The following SERGEF variants were observed in gnomAD, a reference collection of about 807,000 sequenced individuals.
SERGEF encodes secretion regulating guanine nucleotide exchange factor.
Under a neutral mutation model 50.0 loss-of-function variants are expected in SERGEF, and 51 were observed. That is an observed-to-expected ratio of 1.02 (90% confidence interval 0.81 to 1.29). The LOEUF (loss-of-function observed/expected upper bound fraction) is 1.29, where lower values mean the gene tolerates loss of function less well. SERGEF is among the 50% of genes most tolerant of loss of function. The pLI is 0.00. For synonymous variants in SERGEF, 205 were observed against 212.4 expected (o/e 0.97, Z 0.30); for missense variants, 521 against 557.0 (o/e 0.94, Z 0.65).
At chr11:17,959,075 G>C (rs967651266) in intron 9 of SERGEF, among the ~76,000 whole-genome samples, 7 of 152,086 alleles carry the variant, frequency 4.6e-5, no homozygotes, top group Non-Finnish European at 8.8e-5. Context: ...CACCATGTTA[G>C]CCAGGCTGGT....
At chr11:17,853,206 A>T (rs189606253) in intron 10 of SERGEF, among the ~76,000 whole-genome samples, 113 of 152,318 alleles carry the variant, frequency 7.4e-4, no homozygotes, top group Non-Finnish European at 1.3e-3. Flanking sequence ...AGAAAAAAAA[A>T]TACCATACAT....
chr11:17,819,348 C>T (rs2133842709), intron 10 of SERGEF, among the ~76,000 whole-genome samples: 1 of 152,338 alleles, frequency 6.6e-6, no homozygotes, highest in Non-Finnish European at 1.5e-5. Flanking sequence ...AGTTTGGAAA[C>T]AATTGCTCTG....
intron 2 of SERGEF, among the ~76,000 whole-genome samples, chr11:18,007,723 G>T (rs1854108146): frequency 1.4e-5 from 1 of 71,806 alleles, no homozygotes; most frequent in South Asian, 4.5e-4. Flanking sequence ...TAATGGAGGG[G>T]GTGGGGGAAA....
intron 8 of SERGEF, among the ~76,000 whole-genome samples, chr11:17,973,129 G>C (rs1157513219): frequency 6.6e-6 from 1 of 152,202 alleles, no homozygotes; most frequent in Non-Finnish European, 1.5e-5. Context: ...ACTTGGGAGT[G>C]TCAGCACAGC....
At chr11:17,900,712 A>G (rs1474873270) in intron 9 of SERGEF, among the ~76,000 whole-genome samples, 1 of 152,230 alleles carries the variant, frequency 6.6e-6, no homozygotes, top group Non-Finnish European at 1.5e-5. Flanking sequence ...TATGCCAGTT[A>G]TAACCACCAG....
intron 6 of SERGEF, among the ~76,000 whole-genome samples, chr11:17,993,383 A>C (rs1565225399): frequency 6.6e-6 from 1 of 152,172 alleles, no homozygotes; most frequent in Admixed American, 6.5e-5. Flanking sequence ...ATGTGTGTGC[A>C]TGTGTGTGTG....
intron 10 of SERGEF, chr11:17,874,210 C>G (rs1386916872): frequency 2.0e-5 from 3 of 152,194 alleles, no homozygotes; most frequent in Non-Finnish European, 4.4e-5. Flanking sequence ...TGAGCATGTA[C>G]TTGACATACC....
At chr11:18,012,626 G>T (rs1854219917) in intron 1 of SERGEF, 1 of 1,173,416 alleles carries the variant, frequency 8.5e-7, no homozygotes, top group Non-Finnish European at 1.1e-6. Context: ...AGCCCTCCGC[G>T]CTGTCTTCCA....
At chr11:17,859,115 A>G (rs899086275) in intron 10 of SERGEF, among the ~76,000 whole-genome samples, 1 of 152,228 alleles carries the variant, frequency 6.6e-6, no homozygotes, top group Non-Finnish European at 1.5e-5. Flanking sequence ...AACAAAAAAC[A>G]TAAAGCACAG....
intron 9 of SERGEF, among the ~76,000 whole-genome samples, chr11:17,936,181 T>C (rs1272479458): frequency 6.6e-6 from 1 of 152,152 alleles, no homozygotes; most frequent in Non-Finnish European, 1.5e-5. Context: ...CATACAAACA[T>C]GATATTAATT....
intron 10 of SERGEF, among the ~76,000 whole-genome samples, chr11:17,877,602 T>C (rs1185508876): frequency 2.0e-5 from 3 of 152,230 alleles, no homozygotes; most frequent in African/African-American, 7.2e-5. Flanking sequence ...GTCTCTTTAA[T>C]GTACTGTGAG....
intron 1 of SERGEF, 177 bp downstream of exon 1, chr11:18,012,774 T>TCC: frequency 7.8e-7 from 1 of 1,285,096 alleles, no homozygotes; most frequent in Non-Finnish European, 1.1e-6. Context: ...GACCCTTCCT[T>TCC]CCCCGCCCGC....
chr11:17,971,213 A>G (rs1853243326), intron 8 of SERGEF, among the ~76,000 whole-genome samples: 1 of 152,176 alleles, frequency 6.6e-6, no homozygotes, highest in Admixed American at 6.5e-5. Context: ...AAAGAAAGAA[A>G]AGAAAAGAAG....
At chr11:17,938,810 A>T (rs1852503966) in intron 9 of SERGEF, among the ~76,000 whole-genome samples, 1 of 152,184 alleles carries the variant, frequency 6.6e-6, no homozygotes, top group Non-Finnish European at 1.5e-5. Context: ...TGCTAAGTAG[A>T]TCTATGATAC....
chr11:17,876,390 CA>C (rs1282763309), intron 10 of SERGEF, among the ~76,000 whole-genome samples: 1 of 152,194 alleles, frequency 6.6e-6, no homozygotes, highest in Non-Finnish European at 1.5e-5. Context: ...TCTCTTCCAA[CA>C]AAGAAATATT....
At chr11:17,876,888 G>A (rs1217386291) in intron 10 of SERGEF, among the ~76,000 whole-genome samples, 1 of 152,224 alleles carries the variant, frequency 6.6e-6, no homozygotes, top group Non-Finnish European at 1.5e-5. Context: ...CCGGTATAAA[G>A]TATCTGGTCC....
intron 8 of SERGEF, among the ~76,000 whole-genome samples, chr11:17,984,505 T>C (rs1307750536): frequency 6.6e-6 from 1 of 152,122 alleles, no homozygotes; most frequent in African/African-American, 2.4e-5. Context: ...AATGATCCAA[T>C]CACCTCCCAT....
At chr11:17,812,734 A>G (rs1849897858) in intron 10 of SERGEF, among the ~76,000 whole-genome samples, 1 of 152,230 alleles carries the variant, frequency 6.6e-6, no homozygotes. Context: ...TTACCAGTCT[A>G]CTTTTCATTA....
At chr11:17,997,960 T>C (rs1853872341) in intron 5 of SERGEF, among the ~76,000 whole-genome samples, 1 of 152,164 alleles carries the variant, frequency 6.6e-6, no homozygotes, top group Admixed American at 6.5e-5. Context: ...ATGGTGGTGG[T>C]GATTGCATAA....
Sources: gnomAD v4.1 joint callset for allele counts (sites outside exome capture counted in the v4.1 genomes callset) on GRCh38, gnomAD v4.1.1 for gene constraint, MANE v1.5 for transcripts, NCBI Gene and HGNC (gene_info 2026-07-23, HGNC 2026-07-21) for gene names.